The following MED13L variants were observed in gnomAD, a reference collection of about 807,000 sequenced individuals.
MED13L encodes the protein mediator of RNA polymerase II transcription subunit 13-like.
A neutral mutation model predicts 220.9 loss-of-function variants in MED13L; 7 were observed. The ratio of observed to expected loss-of-function variants is 0.03; its 90% CI spans 0.02 to 0.06. MED13L has a LOEUF of 0.06. Among genes scored for constraint, MED13L ranks in the 10% least tolerant of loss-of-function variants. MED13L has a pLI of 1.00. For missense variants in MED13L, 1,965 were observed against 2,760.5 expected (o/e 0.71, Z 6.46); for synonymous variants, 1,011 against 1,015.2 (o/e 1.00, Z 0.08).
intron 2 of MED13L, among the ~76,000 whole-genome samples, chr12:116,128,037 C>T (rs1037659763): frequency 6.6e-6 from 1 of 152,176 alleles, no homozygotes; most frequent in Non-Finnish European, 1.5e-5. Context: ...CTCCAAGCGG[C>T]ATTCCCTACC....
rs1875718015 is a variant in MED13L at position 115,960,954 on chromosome 12, C to T, written c.*312G>A. The T allele has an allele frequency of 1.2e-5, 5 of 405,474 alleles. No individual in the cohort carries two copies. The Admixed American group carries it at 1.8e-4, about 15-fold the overall frequency. The allele number at this position is 405,474 out of a possible 1,614,324, so 25.1% of individuals were successfully genotyped here. A position where few individuals can be genotyped will look rare whatever the true frequency, so the allele number is the denominator to read the frequency against. On this transcript the variant is annotated 3_prime_UTR_variant, in exon 31 of 31. Transcript: ENST00000281928. ...CTTGTGCAAAAGGACACTGTCTCTT[C>T]TGTTTCCCGCTGAAAAGCCATCAAC...
At chr12:116,239,095 C>G (rs552036483) in intron 1 of MED13L, among the ~76,000 whole-genome samples, 95 of 152,090 alleles carry the variant, frequency 6.2e-4, no homozygotes, top group Middle Eastern at 3.4e-3. Context: ...GCACTCCAGC[C>G]AGGGTGACAG....
chr12:116,127,065 A>G (rs567971984), intron 2 of MED13L, among the ~76,000 whole-genome samples: 57 of 152,366 alleles, frequency 3.7e-4, no homozygotes, highest in African/African-American at 1.3e-3. Context: ...TAGTTTGTCA[A>G]CTGGTGCTTG....
At position 116,019,651 on chromosome 12, in the gene MED13L, T is replaced by C. The variant is rs1469549707; in HGVS notation, c.820+127A>G. 3 of 1,206,994 alleles carry C rather than the reference T, an allele frequency of 2.5e-6. No homozygotes were observed. The East Asian group carries it at 7.5e-5, about 30-fold the overall frequency. The allele number at this position is 1,206,994 out of a possible 1,614,324, so 74.8% of individuals were successfully genotyped here. A position where few individuals can be genotyped will look rare whatever the true frequency, so the allele number is the denominator to read the frequency against. On this transcript the variant is annotated intron_variant, in intron 6 of 30. Transcript: ENST00000281928. ...AAGATAACTACTCAGTACATACCAT[T>C]GTGTCAAGAGAATTTCTTTAAAAAG...
intron 2 of MED13L, among the ~76,000 whole-genome samples, chr12:116,146,696 A>AT (rs1349711220): frequency 6.6e-6 from 1 of 151,772 alleles, no homozygotes; most frequent in African/African-American, 2.4e-5. Flanking sequence ...GGAAACCCCC[A>AT]TCTCTACTAA....
chr12:115,985,142 G>C (rs959946030), intron 19 of MED13L, among the ~76,000 whole-genome samples: 3 of 152,124 alleles, frequency 2.0e-5, no homozygotes, highest in East Asian at 1.9e-4. Flanking sequence ...ATTTAAAAGA[G>C]TGTCTGTCTG....
At chr12:116,234,893 C>G (rs1869925421) in intron 2 of MED13L, among the ~76,000 whole-genome samples, 1 of 151,454 alleles carries the variant, frequency 6.6e-6, no homozygotes, top group Admixed American at 6.6e-5. Context: ...AAATTCCTGG[C>G]CTCAAGCATT....
intron 4 of MED13L, among the ~76,000 whole-genome samples, chr12:116,084,526 G>A (rs182517656): frequency 8.5e-5 from 13 of 152,234 alleles, no homozygotes; most frequent in Admixed American, 6.5e-5. Flanking sequence ...TGAAATTAAA[G>A]CCCAGAAATA....
At chr12:116,222,812 G>A (rs923669397) in intron 2 of MED13L, among the ~76,000 whole-genome samples, 1 of 152,138 alleles carries the variant, frequency 6.6e-6, no homozygotes, top group African/African-American at 2.4e-5. Flanking sequence ...ATTTAGAAAG[G>A]AGATGCAACC....
At chr12:116,101,263 T>G (rs1873042744) in intron 3 of MED13L, among the ~76,000 whole-genome samples, 1 of 152,208 alleles carries the variant, frequency 6.6e-6, no homozygotes, top group Non-Finnish European at 1.5e-5. Flanking sequence ...ATCAGTTCTT[T>G]GGGAGTACAG....
chr12:115,969,907 A>C (rs1326078586), intron 27 of MED13L, among the ~76,000 whole-genome samples: 1 of 152,150 alleles, frequency 6.6e-6, no homozygotes, highest in East Asian at 1.9e-4. Context: ...AAAGTATAAA[A>C]AGTGAAAACC....
chr12:116,192,949 G>A (rs952630869), intron 2 of MED13L, among the ~76,000 whole-genome samples: 5 of 152,252 alleles, frequency 3.3e-5, no homozygotes, highest in African/African-American at 1.2e-4. Flanking sequence ...TGGCTAACAC[G>A]GTGAAACCGC....
At chr12:115,999,033 G>A (rs1282039174) in intron 14 of MED13L, among the ~76,000 whole-genome samples, 2 of 151,978 alleles carry the variant, frequency 1.3e-5, no homozygotes, top group Non-Finnish European at 2.9e-5. Flanking sequence ...TACACTCTGA[G>A]GTGGAAAAAC....
intron 2 of MED13L, among the ~76,000 whole-genome samples, chr12:116,210,687 C>A (rs1299009996): frequency 1.3e-5 from 2 of 150,866 alleles, no homozygotes; most frequent in Non-Finnish European, 2.9e-5. Context: ...AAATATACTA[C>A]ACAAAAGCAA....
chr12:116,237,431 A>C (rs1323276774), intron 2 of MED13L, 37 bp downstream of exon 2: 1 of 1,460,110 alleles, frequency 6.8e-7, no homozygotes, highest in Non-Finnish European at 9.6e-7. Flanking sequence ...AAAAAATATG[A>C]TGCAAATAAT....
At position 116,277,520 on chromosome 12, in the gene MED13L, AGCC is replaced by A. The variant is rs1190300321; in HGVS notation, c.-392_-390del. Among the ~76,000 whole-genome samples the A allele has an allele frequency of 1.4e-5, 2 of 146,172 alleles. No individual in the cohort carries two copies. Among genetic ancestry groups the A allele is most frequent in the Admixed American group, 6.7e-5 (1 of 14,858 alleles). Reference sequence around the variant, plus strand: ...CCCGGAGCCGCCGCCGCCGCCTCGGAGCCGCCGCCGCCGCGGAGCGCGAACTCG... The same window carrying A: ...CCCGGAGCCGCCGCCGCCGCCTCGGAGCCGCCGCCGCGGAGCGCGAACTCG... On this transcript the variant is annotated 5_prime_UTR_variant, in exon 1 of 31. Coordinates refer to ENST00000281928, the MANE Select transcript of MED13L (RefSeq NM_015335.5).
intron 2 of MED13L, among the ~76,000 whole-genome samples, chr12:116,200,093 AAAGG>A (rs913858413): frequency 6.6e-6 from 1 of 151,932 alleles, no homozygotes; most frequent in Non-Finnish European, 1.5e-5. Flanking sequence ...AAAAAAAAAA[AAAGG>A]AGAAGAAGAA....
chr12:116,020,071 T>C (rs900068497), intron 5 of MED13L, 99 bp from the exon 6 acceptor site: 61 of 1,031,880 alleles, frequency 5.9e-5, no homozygotes, highest in Non-Finnish European at 8.9e-5. Context: ...CAGTATCACT[T>C]AATGTGCATT....
chr12:116,260,185 T>C (rs1313113029), intron 1 of MED13L, among the ~76,000 whole-genome samples: 1 of 152,188 alleles, frequency 6.6e-6, no homozygotes, highest in Non-Finnish European at 1.5e-5. Context: ...AGCCAACTCT[T>C]TACCTTCAGG....
Sources: allele counts gnomAD v4.1 joint callset (sites outside exome capture counted in the v4.1 genomes callset), GRCh38; gene constraint gnomAD v4.1.1; transcripts MANE v1.5; gene names NCBI Gene and HGNC (gene_info 2026-07-23, HGNC 2026-07-21).